The following NR6A1 variants were observed in gnomAD, a reference collection of about 807,000 sequenced individuals.
NR6A1 encodes retinoic acid receptor-related testis-associated receptor.
NR6A1 carries 7 observed loss-of-function variants against 59.1 expected under a neutral mutation model. That is an observed-to-expected ratio of 0.12 (90% confidence interval 0.07 to 0.22). The LOEUF (loss-of-function observed/expected upper bound fraction) is 0.22, where lower values mean the gene tolerates loss of function less well. NR6A1 is among the 10% of genes least tolerant of loss of function. NR6A1 has a pLI of 1.00. For missense variants in NR6A1, 468 were observed against 611.6 expected (o/e 0.77, Z 2.48); for synonymous variants, 243 against 236.1 (o/e 1.03, Z -0.27).
intron 2 of NR6A1, among the ~76,000 whole-genome samples, chr9:124,686,680 G>A (rs1214033227): frequency 6.6e-6 from 1 of 151,280 alleles, no homozygotes; most frequent in Non-Finnish European, 1.5e-5. Context: ...AGGGGATGGA[G>A]AAATCATGTG....
intron 1 of NR6A1, among the ~76,000 whole-genome samples, chr9:124,746,526 T>G (rs565125417): frequency 2.0e-5 from 3 of 152,152 alleles, no homozygotes; most frequent in African/African-American, 7.2e-5. Flanking sequence ...GAGGCAAAGG[T>G]TGCAGTGAGC....
intron 4 of NR6A1, among the ~76,000 whole-genome samples, chr9:124,541,594 G>A (rs539456576): frequency 2.0e-5 from 3 of 152,240 alleles, no homozygotes; most frequent in South Asian, 2.1e-4. Flanking sequence ...AATGTAAAAC[G>A]GTGCAACCAC....
At chr9:124,549,610 T>C (rs1199654090) in intron 3 of NR6A1, among the ~76,000 whole-genome samples, 1 of 152,186 alleles carries the variant, frequency 6.6e-6, no homozygotes, top group Non-Finnish European at 1.5e-5. Flanking sequence ...TATCCAAAGA[T>C]GGAGAACAAC....
intron 2 of NR6A1, among the ~76,000 whole-genome samples, chr9:124,593,481 A>C (rs1835186751): frequency 6.6e-6 from 1 of 152,202 alleles, no homozygotes; most frequent in African/African-American, 2.4e-5. Flanking sequence ...CAATGCTTTG[A>C]TGCATGTGAC....
chr9:124,532,105 T>G (rs1833117211), intron 7 of NR6A1, among the ~76,000 whole-genome samples: 1 of 152,242 alleles, frequency 6.6e-6, no homozygotes, highest in African/African-American at 2.4e-5. Context: ...TTTGAGCACC[T>G]TCATGACCTG....
intron 2 of NR6A1, among the ~76,000 whole-genome samples, chr9:124,628,191 G>A (rs747011493): frequency 6.6e-6 from 1 of 151,612 alleles, no homozygotes. Context: ...CCACACCCAG[G>A]TAATTTTTGT....
At chr9:124,737,480 C>G (rs1840047984) in intron 1 of NR6A1, among the ~76,000 whole-genome samples, 2 of 152,172 alleles carry the variant, frequency 1.3e-5, no homozygotes, top group South Asian at 2.1e-4. Flanking sequence ...CTAGAAGAAC[C>G]CAAACCACTG....
At chr9:124,759,813 G>A (rs1376420540) in intron 1 of NR6A1, among the ~76,000 whole-genome samples, 18 of 152,262 alleles carry the variant, frequency 1.2e-4, no homozygotes, top group African/African-American at 4.3e-4. Context: ...AGGCCAAGGC[G>A]GGTGGATCAT....
chr9:124,761,511 AAAATGTTACTCACACTAGGAAAGGAT>A (rs1201202843), intron 1 of NR6A1, among the ~76,000 whole-genome samples: 1 of 152,236 alleles, frequency 6.6e-6, no homozygotes, highest in African/African-American at 2.4e-5. Flanking sequence ...GACTTACACT[AAAATGTTACTCACACTAGGAAAGGAT>A]ATTCTTCGAC....
At chr9:124,582,466 G>A (rs867389840) in intron 2 of NR6A1, among the ~76,000 whole-genome samples, 1 of 152,046 alleles carries the variant, frequency 6.6e-6, no homozygotes, top group African/African-American at 2.4e-5. Flanking sequence ...ACTAATGGAT[G>A]CTAGGCTTAA....
At chr9:124,534,302 A>G (rs1833189608) in intron 7 of NR6A1, among the ~76,000 whole-genome samples, 1 of 151,382 alleles carries the variant, frequency 6.6e-6, no homozygotes, top group South Asian at 2.1e-4. Context: ...CGAACTCCCA[A>G]CCTCAGGTGA....
chr9:124,701,040 C>A (rs531467948), intron 2 of NR6A1, among the ~76,000 whole-genome samples: 181 of 152,260 alleles, frequency 1.2e-3, no homozygotes, highest in African/African-American at 3.8e-3. Context: ...AGATTACAGG[C>A]ATGAGCCACC....
intron 2 of NR6A1, among the ~76,000 whole-genome samples, chr9:124,664,079 A>G (rs1276741679): frequency 6.6e-5 from 10 of 152,212 alleles, no homozygotes; most frequent in Non-Finnish European, 2.9e-5. Context: ...CAGAAAATTC[A>G]TGTCTTAAAA....
At chr9:124,714,293 A>G (rs1344927935) in intron 2 of NR6A1, among the ~76,000 whole-genome samples, 1 of 152,224 alleles carries the variant, frequency 6.6e-6, no homozygotes, top group Admixed American at 6.5e-5. Flanking sequence ...GAGAAGAGTT[A>G]TGTGGATGGA....
chr9:124,567,830 GCTTT>G (rs1324997388), intron 2 of NR6A1, among the ~76,000 whole-genome samples: 3 of 122,064 alleles, frequency 2.5e-5, no homozygotes, highest in Non-Finnish European at 5.2e-5. Flanking sequence ...TTAAAAATTT[GCTTT>G]TTTTTTTTTT....
chr9:124,655,227 G>T (rs1468084722), intron 2 of NR6A1, among the ~76,000 whole-genome samples: 3 of 152,100 alleles, frequency 2.0e-5, no homozygotes, highest in Admixed American at 2.0e-4. Flanking sequence ...CAAACCCACT[G>T]ATCATCAACT....
At chr9:124,612,338 G>A (rs1476477746) in intron 2 of NR6A1, among the ~76,000 whole-genome samples, 2 of 152,092 alleles carry the variant, frequency 1.3e-5, no homozygotes, top group Non-Finnish European at 2.9e-5. Flanking sequence ...CTGACCCCGG[G>A]CTCAGATGTG....
chr9:124,553,159 TA>T (rs1461716662), intron 3 of NR6A1, among the ~76,000 whole-genome samples: 11 of 152,216 alleles, frequency 7.2e-5, no homozygotes, highest in Non-Finnish European at 4.4e-5. Flanking sequence ...GTCACAGAGC[TA>T]AAAGCTAGTC....
intron 3 of NR6A1, 75 bp from the exon 4 acceptor site, chr9:124,543,932 C>G: frequency 7.7e-7 from 1 of 1,303,420 alleles, no homozygotes. Context: ...AGAGAGTTTA[C>G]TTGGCCAAAA....
Sources: allele counts gnomAD v4.1 joint callset (sites outside exome capture counted in the v4.1 genomes callset), GRCh38; gene constraint gnomAD v4.1.1; transcripts MANE v1.5; gene names NCBI Gene and HGNC (gene_info 2026-07-23, HGNC 2026-07-21).